PIK3C3: variants seen among roughly 807,000 people sequenced by gnomAD.
The protein encoded by PIK3C3 is phosphatidylinositol 3-kinase catalytic subunit type 3.
In PIK3C3, 95 loss-of-function variants were observed where a neutral mutation model predicts 126.1. The ratio of observed to expected loss-of-function variants is 0.75; its 90% CI spans 0.64 to 0.89. The LOEUF (loss-of-function observed/expected upper bound fraction) is 0.89, where lower values mean the gene tolerates loss of function less well. Ranked by LOEUF, PIK3C3 falls within the 40% of genes least tolerant of loss-of-function variation. The pLI is 0.00. For missense variants in PIK3C3, 829 were observed against 1,063.2 expected, an observed-to-expected ratio of 0.78 and a Z score of 3.06; for synonymous variants, 374 against 360.0, an observed-to-expected ratio of 1.04 and a Z score of -0.44.
intron 10 of PIK3C3, among the ~76,000 whole-genome samples, chr18:42,009,046 A>T (rs1027051416): frequency 1.3e-5 from 2 of 151,726 alleles, no homozygotes; most frequent in Non-Finnish European, 3.0e-5. Context: ...AATTACTTAT[A>T]CCTCCAAAGA....
chr18:42,038,567 C>T lies in PIK3C3; in HGVS notation c.1969-214C>T, dbSNP rs1203668102. Among the ~76,000 whole-genome samples the T allele has an allele frequency of 1.3e-5, 2 of 152,080 alleles. 1 individual carries two copies. The highest frequency in any genetic ancestry group is 2.9e-5 in the Non-Finnish European group (2 of 68,010). The stretch of plus-strand genomic sequence containing the variant: ...CCATGTTGACCAGGCTGATCTTGAA[C>T]TCCTGACCTCAGGTGATCCACCCGC... On this transcript the variant is annotated intron_variant, in intron 17 of 24. Transcript: ENST00000262039.
intron 4 of PIK3C3, 46 bp downstream of exon 4, chr18:41,970,502 T>A: frequency 6.5e-7 from 1 of 1,534,400 alleles, no homozygotes; most frequent in Non-Finnish European, 9.0e-7. Context: ...GACTGATGTC[T>A]ATTGTAGTAT....
rs140660681 is a variant in PIK3C3, at chr18:41,995,892, G to T, written c.789G>T (p.Glu263Asp). Reference protein sequence around the residue: ...VKVPDPQMSMENLVESKHHKL... With the variant: ...VKVPDPQMSMDNLVESKHHKL... ...CAATATTTTAAAATAATTTGTAGGA[G>T]AATTTAGTTGAGAGCAAACACCACA... Residue 263 changes from glutamate (E) to aspartate (D), a missense_variant and splice_region_variant, in exon 8 of 25, where the codon GAG becomes GAT. Glu to Asp is a conservative substitution (Grantham distance 45). Around this residue, in one of 4 missense-constraint regions of PIK3C3, gnomAD observed 313 missense variants for 340.7 expected, o/e 0.92. Transcript: ENST00000262039. 1.7e-5 allele frequency: 27 copies of T among 1,605,316 alleles called. No homozygotes were observed. The highest frequency in any genetic ancestry group is 1.7e-4 in the Middle Eastern group (1 of 6,058).
At chr18:42,048,887 C>G (rs1284113921) in intron 20 of PIK3C3, among the ~76,000 whole-genome samples, 1 of 152,072 alleles carries the variant, frequency 6.6e-6, no homozygotes, top group African/African-American at 2.4e-5. Flanking sequence ...AAAACAAACT[C>G]CAAAAGGGTG....
chr18:42,052,146 C>T (rs1287295098), intron 21 of PIK3C3, among the ~76,000 whole-genome samples: 1 of 151,662 alleles, frequency 6.6e-6, no homozygotes, highest in Non-Finnish European at 1.5e-5. Context: ...TTGAAAAGTG[C>T]CCTTGTGTGT....
intron 4 of PIK3C3, among the ~76,000 whole-genome samples, chr18:41,985,682 A>G (rs1007095583): frequency 1.3e-5 from 2 of 152,148 alleles, no homozygotes; most frequent in African/African-American, 4.8e-5. Flanking sequence ...CTCTAGTATA[A>G]TTTAAACTTA....
chr18:42,002,920 G>A (rs1226016742), intron 9 of PIK3C3, among the ~76,000 whole-genome samples: 2 of 152,302 alleles, frequency 1.3e-5, no homozygotes, highest in South Asian at 2.1e-4. Context: ...TGTTGTCAGA[G>A]TAATGGCTCC....
chr18:42,078,149 G>A (rs1286413061), intron 24 of PIK3C3, among the ~76,000 whole-genome samples: 6 of 151,510 alleles, frequency 4.0e-5, no homozygotes, highest in East Asian at 2.0e-4. Flanking sequence ...AGGCCGAGGC[G>A]GGTGGATCAT....
At chr18:41,972,273 A>G (rs1451857765) in intron 4 of PIK3C3, among the ~76,000 whole-genome samples, 2 of 152,106 alleles carry the variant, frequency 1.3e-5, no homozygotes, top group Non-Finnish European at 2.9e-5. Flanking sequence ...ATGACTAAGC[A>G]TGTGCAGAGC....
At chr18:42,025,868 A>G (rs1412014677) in intron 13 of PIK3C3, 2 of 152,230 alleles carry the variant, frequency 1.3e-5, no homozygotes, top group African/African-American at 4.8e-5. Context: ...ACAGTAATGT[A>G]TTAATAATAT....
At chr18:42,071,392 C>T (rs1457124931) in intron 24 of PIK3C3, among the ~76,000 whole-genome samples, 1 of 151,856 alleles carries the variant, frequency 6.6e-6, no homozygotes, top group African/African-American at 2.4e-5. Context: ...TAGTGTTATC[C>T]CTATTTTATA....
At chr18:42,070,966 TAA>T (rs1568011005) in intron 24 of PIK3C3, among the ~76,000 whole-genome samples, 1 of 152,228 alleles carries the variant, frequency 6.6e-6, no homozygotes, top group African/African-American at 2.4e-5. Flanking sequence ...GAAGAAACAT[TAA>T]GTCTGTTTCC....
chr18:42,047,795 G>A (rs1204405815), intron 20 of PIK3C3, among the ~76,000 whole-genome samples: 1 of 152,192 alleles, frequency 6.6e-6, no homozygotes, highest in African/African-American at 2.4e-5. Context: ...AGGCTGAAGA[G>A]TTTACATATT....
intron 4 of PIK3C3, among the ~76,000 whole-genome samples, chr18:41,971,649 ACT>A (rs1485492834): frequency 2.0e-5 from 3 of 151,946 alleles, no homozygotes; most frequent in African/African-American, 4.8e-5. Flanking sequence ...CATTTGAGCT[ACT>A]CTCTGTCCCT....
chr18:42,051,430 C>T (rs114611479), intron 21 of PIK3C3: 5 of 151,998 alleles, frequency 3.3e-5, no homozygotes, highest in African/African-American at 1.2e-4. Flanking sequence ...TGTATTTCTC[C>T]AAATTGTGAT....
At position 42,076,192 on chromosome 18, in the gene PIK3C3, GCA is replaced by G. The variant is rs200352776; in HGVS notation, c.2650-4926_2650-4925del. 3.2e-3 allele frequency among the ~76,000 whole-genome samples: 231 copies of G among 71,390 alleles called. 5 individuals carry two copies. Among genetic ancestry groups the G allele is most frequent in the African/African-American group, 0.017 (184 of 10,886 alleles). The allele number at this position is 71,390 out of a possible 152,430, so 46.8% of individuals were successfully genotyped here. A position where few individuals can be genotyped will look rare whatever the true frequency, so the allele number is the denominator to read the frequency against. ...TATATATATATGCACATATATATAT[GCA>G]CACATATATATATGCACATATATAT... On this transcript the variant is annotated intron_variant, in intron 24 of 24. Transcript: ENST00000262039.
At chr18:42,061,601 A>G (rs939810726) in intron 22 of PIK3C3, among the ~76,000 whole-genome samples, 1 of 152,134 alleles carries the variant, frequency 6.6e-6, no homozygotes, top group African/African-American at 2.4e-5. Context: ...AGTGGCCTTT[A>G]AATTTGTGTT....
At chr18:41,976,559 C>T (rs769802404) in intron 4 of PIK3C3, among the ~76,000 whole-genome samples, 2 of 152,126 alleles carry the variant, frequency 1.3e-5, no homozygotes, top group Admixed American at 1.3e-4. Context: ...ATTTTTTATT[C>T]AAATCCCAGC....
At chr18:41,962,390 A>G in intron 2 of PIK3C3, 99 bp from the exon 3 acceptor site, 1 of 959,322 alleles carries the variant, frequency 1.0e-6, no homozygotes, top group Non-Finnish European at 1.4e-6. Flanking sequence ...ACATTTTTGG[A>G]ACCTTTTCCT....
Sources: allele counts gnomAD v4.1 joint callset (sites outside exome capture counted in the v4.1 genomes callset), GRCh38; gene constraint gnomAD v4.1.1; regional missense constraint gnomAD v4.1.1; transcripts MANE v1.5; gene names NCBI Gene and HGNC (gene_info 2026-07-23, HGNC 2026-07-21).